Variants in CASK observed in about 807,000 individuals in gnomAD.
The protein encoded by CASK is calcium/calmodulin dependent serine protein kinase.
A neutral mutation model predicts 82.9 loss-of-function variants in CASK; 4 were observed. The ratio of observed to expected loss-of-function variants is 0.05; its 90% confidence interval spans 0.02 to 0.11. The LOEUF is 0.11. CASK is among the 10% of genes least tolerant of loss of function. CASK has a pLI of 1.00. For synonymous variants in CASK, 259 were observed against 253.5 expected (o/e 1.02, Z -0.20); for missense variants, 358 against 720.9 (o/e 0.50, Z 5.76).
chrX:41,577,226 T>A (rs2065496394), intron 15 of CASK, among the ~76,000 whole-genome samples: 1 of 112,173 alleles, frequency 8.9e-6, no homozygotes, highest in South Asian at 3.7e-4. Flanking sequence ...TCTTTGCTTC[T>A]CCCTCAGTTC....
intron 1 of CASK, among the ~76,000 whole-genome samples, chrX:41,892,379 C>A (rs757240307): frequency 9.1e-6 from 1 of 110,250 alleles, no homozygotes; most frequent in African/African-American, 3.3e-5. Context: ...GTCACCTAGG[C>A]TGGAGTGCAG....
At chrX:41,806,193 G>T (rs2070122674) in intron 2 of CASK, among the ~76,000 whole-genome samples, 1 of 111,677 alleles carries the variant, frequency 9.0e-6, no homozygotes, top group South Asian at 3.7e-4. Flanking sequence ...TGGACTGTCT[G>T]GTATATTCTG....
chrX:41,555,948 G>T (rs1411655037), intron 19 of CASK: 2 of 204,182 alleles, frequency 9.8e-6, no homozygotes, highest in Non-Finnish European at 1.8e-5. Flanking sequence ...ATAAATAAAA[G>T]GAGCTGTTGC....
chrX:41,558,646 T>G (rs1290925136), intron 18 of CASK: 2 of 111,365 alleles, frequency 1.8e-5, no homozygotes, highest in Non-Finnish European at 3.8e-5. Flanking sequence ...CAGAAGCAAT[T>G]CTGCATTTTC....
intron 10 of CASK, among the ~76,000 whole-genome samples, chrX:41,625,634 C>G (rs2066356217): frequency 1.8e-5 from 2 of 111,292 alleles, no homozygotes; most frequent in Admixed American, 1.9e-4. Context: ...GTAGCTATGA[C>G]TACACATGCA....
chrX:41,840,767 C>T (rs1601891347), intron 2 of CASK, among the ~76,000 whole-genome samples: 1 of 110,824 alleles, frequency 9.0e-6, no homozygotes, highest in East Asian at 2.8e-4. Context: ...TGTCAACTGC[C>T]TTTTCTCCAT....
At position 41,702,675 on chromosome X, in the gene CASK, T is replaced by C. The variant is rs762503194; in HGVS notation, c.430-31145A>G. ...TGGGTGTGGTGGCACGCACCTGTAG[T>C]CCCAGCTACTCGGGAGGCTGAGGCA... On this transcript the variant is annotated intron_variant, in intron 5 of 26. Transcript: ENST00000378163. Among the ~76,000 whole-genome samples, 6 of 111,056 alleles carry C rather than the reference T, an allele frequency of 5.4e-5. No homozygotes were observed. In the Admixed American group the frequency reaches 5.7e-4, roughly 11 times the overall value.
At chrX:41,847,436 T>C (rs958372556) in intron 2 of CASK, among the ~76,000 whole-genome samples, 70 of 111,991 alleles carry the variant, frequency 6.3e-4, no homozygotes, top group African/African-American at 2.3e-3. Flanking sequence ...TCCAGAATTT[T>C]GATTTGATTT....
At chrX:41,530,345 A>C (rs1333836129) in intron 25 of CASK, among the ~76,000 whole-genome samples, 1 of 112,283 alleles carries the variant, frequency 8.9e-6, no homozygotes, top group East Asian at 2.8e-4. Context: ...TTCCTACTGC[A>C]AGACATATCT....
At position 41,665,340 on chromosome X, in the gene CASK, A is replaced by G; in HGVS notation, c.645T>C (p.Gly215=). ...CCTTGGTTCCGTAAAAAGGCAAACA[A>G]CCACTGAGCAGGATAAAAAGGATCA... ...CGVILFILLS[G]CLPFYGTKER... Residue 215 remains glycine, a synonymous_variant, in exon 7 of 27, where the codon GGT becomes GGC. Coordinates refer to ENST00000378163, the MANE Select transcript of CASK (RefSeq NM_001367721.1). The G allele has an allele frequency of 8.3e-7, 1 of 1,209,916 alleles. No individual in the cohort carries two copies. The highest frequency in any genetic ancestry group is 1.1e-6 in the Non-Finnish European group (1 of 893,901).
chrX:41,606,466 T>A (rs1345696096), intron 12 of CASK, among the ~76,000 whole-genome samples: 1 of 111,835 alleles, frequency 8.9e-6, no homozygotes, highest in Non-Finnish European at 1.9e-5. Context: ...TTGGTCAGGC[T>A]GGTCTCGAAC....
At chrX:41,866,302 T>C (rs2147999793) in intron 1 of CASK, among the ~76,000 whole-genome samples, 1 of 112,518 alleles carries the variant, frequency 8.9e-6, no homozygotes, top group African/African-American at 3.2e-5. Context: ...TGTTGGGCTT[T>C]CCCTTTCCTG....
Position 41,561,682 on chromosome X carries a change from T to C in CASK, c.1583-38A>G, listed in dbSNP as rs1463119487. 5 of 958,982 alleles carry C rather than the reference T, an allele frequency of 5.2e-6. No homozygotes were observed. In the East Asian group the frequency reaches 9.3e-5, roughly 18 times the overall value. The allele number at this position is 958,982 out of a possible 1,213,427, so 79.0% of individuals were successfully genotyped here. A position where few individuals can be genotyped will look rare whatever the true frequency, so the allele number is the denominator to read the frequency against. ...ATAACATTATAAACATGAAATGATA[T>C]ATGCTTTCATAGTAACAAAATCCAG... On this transcript the variant is annotated intron_variant, in intron 16 of 26. Transcript: ENST00000378163.
At chrX:41,566,804 A>G (rs1328478902) in intron 16 of CASK, among the ~76,000 whole-genome samples, 1 of 111,849 alleles carries the variant, frequency 8.9e-6, no homozygotes, top group South Asian at 3.7e-4. Flanking sequence ...AAAAGAACAA[A>G]GCTGGAGGCA....
chrX:41,598,415 G>A (rs2065852775), intron 12 of CASK, among the ~76,000 whole-genome samples: 1 of 111,356 alleles, frequency 9.0e-6, no homozygotes, highest in African/African-American at 3.3e-5. Flanking sequence ...GCAATGGCAC[G>A]ATCTTGGCTT....
intron 5 of CASK, among the ~76,000 whole-genome samples, chrX:41,721,815 T>G (rs187378581): frequency 1.9e-3 from 212 of 112,288 alleles, no homozygotes; most frequent in African/African-American, 6.6e-3. Flanking sequence ...TGTCACTTAC[T>G]AGGTTATGTT....
chrX:41,755,348 T>G (rs943042343), intron 3 of CASK, among the ~76,000 whole-genome samples: 14 of 111,935 alleles, frequency 1.3e-4, no homozygotes, highest in Non-Finnish European at 2.3e-4. Flanking sequence ...GCAAGTAACC[T>G]AAACAAAAGT....
At chrX:41,598,134 G>GACACACACACACACACACACACACACAC (rs757204318) in intron 12 of CASK, among the ~76,000 whole-genome samples, 44 of 99,918 alleles carry the variant, frequency 4.4e-4, no homozygotes, top group African/African-American at 1.5e-3. Flanking sequence ...CTGAGGCCCT[G>GACACACACACACACACACACACACACAC]ACACACACAC....
chrX:41,648,033 A>T (rs1022126908), intron 8 of CASK, among the ~76,000 whole-genome samples: 6 of 112,548 alleles, frequency 5.3e-5, no homozygotes, highest in African/African-American at 1.6e-4. Context: ...TGACTGCTGG[A>T]GAGCCAGGCA....
Sources: gnomAD v4.1 joint callset for allele counts (sites outside exome capture counted in the v4.1 genomes callset) on GRCh38, gnomAD v4.1.1 for gene constraint, MANE v1.5 for transcripts, NCBI Gene and HGNC (gene_info 2026-07-23, HGNC 2026-07-21) for gene names.